KRT25: variants seen among roughly 807,000 people sequenced by gnomAD.
The protein encoded by KRT25 is keratin, type I cytoskeletal 25.
A neutral mutation model predicts 47.6 loss-of-function variants in KRT25; 37 were observed. That is an observed-to-expected ratio of 0.78 (90% CI 0.60 to 1.02). The LOEUF (loss-of-function observed/expected upper bound fraction) is 1.02, where lower values mean the gene tolerates loss of function less well. Among genes scored for constraint, KRT25 ranks in the 50% least tolerant of loss-of-function variants. The probability of loss-of-function intolerance (pLI) is 0.00; values close to 1 mark genes in which losing one functional copy is unlikely to be tolerated. For synonymous variants in KRT25, 203 were observed against 210.2 expected, an observed-to-expected ratio of 0.97 and a Z score of 0.30; for missense variants, 542 against 550.3, an observed-to-expected ratio of 0.98 and a Z score of 0.15.
upstream of KRT25, chr17:40,755,412 C>T (rs1314463399): frequency 5.4e-6 from 4 of 735,452 alleles, no homozygotes; most frequent in Non-Finnish European, 6.5e-6. Context: ...CAGAGTAAAA[C>T]ATGGCTTGCC....
At chr17:40,751,551 T>C (rs562769115) in intron 3 of KRT25, among the ~76,000 whole-genome samples, 2 of 152,358 alleles carry the variant, frequency 1.3e-5, no homozygotes, top group Admixed American at 1.3e-4. Context: ...AGAGTTTTAA[T>C]TGTTCCAGAG....
In KRT25 at chr17:40,748,222, T is replaced by TA. The variant is rs2038013760; in HGVS notation, c.*54dup. 6 of 1,155,622 alleles carry TA rather than the reference T, an allele frequency of 5.2e-6. No individual in the cohort carries two copies. Among genetic ancestry groups the TA allele is most frequent in the African/African-American group, 1.6e-5 (1 of 64,264 alleles). The allele number at this position is 1,155,622 out of a possible 1,614,324, so 71.6% of individuals were successfully genotyped here. On this transcript the variant is annotated 3_prime_UTR_variant, in exon 8 of 8. Transcript: ENST00000312150. ...ATGCACATTTTTCTGGACAGATACATAATGCCTTTTCTTCGCAGGGGCTAT... is the reference window on the plus strand; with the variant it reads ...ATGCACATTTTTCTGGACAGATACATAAATGCCTTTTCTTCGCAGGGGCTAT...
At chr17:40,751,458 C>T (rs2038047115) in intron 3 of KRT25, 132 bp from the exon 4 acceptor site, 2 of 915,584 alleles carry the variant, frequency 2.2e-6, no homozygotes, top group East Asian at 5.3e-5. Context: ...CCTCCCACCA[C>T]ATTTGATACT....
At chr17:40,751,383 A>C in intron 3 of KRT25, 57 bp from the exon 4 acceptor site, 1 of 1,530,004 alleles carries the variant, frequency 6.5e-7, no homozygotes, top group Middle Eastern at 1.8e-4. Context: ...AAAGTCTAGA[A>C]GCTTAGCTTT....
Position 40,754,390 on chromosome 17 carries a change from G to A in KRT25, c.508C>T (p.Leu170Phe), listed in dbSNP as rs376714865. 1.2e-6 allele frequency: 2 copies of A among 1,612,802 alleles called. No homozygotes were observed. Among genetic ancestry groups the A allele is most frequent in the African/African-American group, 2.7e-5 (2 of 74,882 alleles). ...NARLTADDFR[L>F]KYENELALHQ... ...TCACTCTGGCAGTCTACTTACTTGA[G>A]TCTGAAATCATCAGCTGTAAGCCTG... The change falls in exon 2 of 8, where the codon CTC (leucine) becomes TTC (phenylalanine). Residue 170 changes from leucine to phenylalanine, a missense_variant. Leu to Phe is a conservative substitution (Grantham distance 22). Coordinates refer to ENST00000312150, the MANE Select transcript of KRT25 (RefSeq NM_181534.4).
intron 3 of KRT25, among the ~76,000 whole-genome samples, 157 bp downstream of exon 3, chr17:40,753,682 TCAAAAAAAAAAAAAAAAAAAA>T (rs2038073901): frequency 2.2e-5 from 1 of 46,060 alleles, no homozygotes; most frequent in African/African-American, 9.7e-5. Flanking sequence ...AGACTCCGTC[TCAAAAAAAAAAAAAAAAAAAA>T]AAAAAAAAAA....
chr17:40,754,677 G>A (rs9900557), intron 1 of KRT25, among the ~76,000 whole-genome samples, 166 bp downstream of exon 1: 3 of 142,032 alleles, frequency 2.1e-5, no homozygotes, highest in Non-Finnish European at 4.5e-5. Flanking sequence ...AAGATCCCAC[G>A]GTTGCACTCC....
chr17:40,753,879 A>T lies in KRT25; in HGVS notation c.650T>A (p.Leu217His). ...YETLSEEMTY[L>H]KKNHKEEMQV... ...TCTTACCTCTTTATGGTTCTTTTTG[A>T]GGTAAGTCATCTCCTCACTCAGGGT... Residue 217 changes from leucine (L) to histidine (H), a missense_variant, in exon 3 of 8, where the codon CTC becomes CAC. Transcript: ENST00000312150. 1 of 1,613,882 alleles carries T rather than the reference A, an allele frequency of 6.2e-7. No homozygotes were observed. The highest frequency in any genetic ancestry group is 8.5e-7 in the Non-Finnish European group (1 of 1,179,958).
chr17:40,750,134 C>T (rs977854321), intron 6 of KRT25, among the ~76,000 whole-genome samples: 4 of 152,178 alleles, frequency 2.6e-5, no homozygotes, highest in Non-Finnish European at 5.9e-5. Context: ...TTTAGCCTCC[C>T]GTTTGTTCTT....
chr17:40,751,522 T>G (rs898640400), intron 3 of KRT25, among the ~76,000 whole-genome samples, 196 bp from the exon 4 acceptor site: 4 of 152,228 alleles, frequency 2.6e-5, no homozygotes, highest in Non-Finnish European at 5.9e-5. Flanking sequence ...CCTTATGAAG[T>G]AGCCTGTTTC....
In KRT25 at chr17:40,753,779, A is replaced by G. The variant is rs2038076783; in HGVS notation, c.669+81T>C. 8.1e-6 allele frequency: 8 copies of G among 993,400 alleles called. No individual in the cohort carries two copies. In the South Asian group the frequency reaches 8.3e-5, roughly 10 times the overall value. 61.5% of individuals were successfully genotyped at this position (993,400 alleles called of 1,614,324 possible). A position where few individuals can be genotyped will look rare whatever the true frequency, so the allele number is the denominator to read the frequency against. On this transcript the variant is annotated intron_variant, in intron 3 of 7. Transcript: ENST00000312150. ...TGTGTCTTCAGCACCAACTTTTTAT[A>G]TGAGAGGTTATGTACATTATCTCCT...
Position 40,751,095 on chromosome 17 carries a change from TGAA to T in KRT25, c.832-19_832-17del, listed in dbSNP as rs762559984. 1 of 1,614,088 alleles carries T rather than the reference TGAA, an allele frequency of 6.2e-7. No homozygotes were observed. The highest frequency in any genetic ancestry group is 8.5e-7 in the Non-Finnish European group (1 of 1,180,004). On this transcript the variant is annotated splice_polypyrimidine_tract_variant and intron_variant, in intron 4 of 7. Transcript: ENST00000312150. ...GGGAGGCGCTCTGAAATGACATAAG[TGAA>T]GGAGCAAATCTTAGTTTTGTGAATA... is the stretch of plus-strand genomic sequence containing the variant.
intron 6 of KRT25, 24 bp from the exon 7 acceptor site, chr17:40,749,349 G>A (rs1171286934): frequency 6.4e-7 from 1 of 1,555,012 alleles, no homozygotes; most frequent in Non-Finnish European, 8.9e-7. Context: ...GCAAAAGAGG[G>A]TGATTTAGAG....
intron 3 of KRT25, among the ~76,000 whole-genome samples, chr17:40,753,635 G>A (rs2038072521): frequency 8.1e-6 from 1 of 123,776 alleles, no homozygotes; most frequent in East Asian, 2.7e-4. Flanking sequence ...AGTGAGCCAA[G>A]ATCGCACCAT....
At chr17:40,750,022 G>T (rs1011827251) in intron 6 of KRT25, among the ~76,000 whole-genome samples, 2 of 152,076 alleles carry the variant, frequency 1.3e-5, no homozygotes, top group African/African-American at 4.8e-5. Context: ...CAGACTTGTG[G>T]CCATGGGACT....
intron 6 of KRT25, among the ~76,000 whole-genome samples, chr17:40,749,628 C>G (rs764796545): frequency 2.0e-5 from 3 of 152,110 alleles, no homozygotes; most frequent in Non-Finnish European, 4.4e-5. Flanking sequence ...GAAATTCACC[C>G]TTTTAAGTTT....
intron 7 of KRT25, among the ~76,000 whole-genome samples, chr17:40,748,761 T>C (rs2144121577): frequency 6.6e-6 from 1 of 152,252 alleles, no homozygotes; most frequent in East Asian, 1.9e-4. Context: ...CACATGCATG[T>C]GAATGTTCAT....
chr17:40,751,432 G>T, intron 3 of KRT25, 106 bp from the exon 4 acceptor site: 1 of 1,265,376 alleles, frequency 7.9e-7, no homozygotes, highest in Non-Finnish European at 1.1e-6. Flanking sequence ...TCCCCTCCCA[G>T]GCTGTGCATT....
At position 40,748,313 on chromosome 17, in the gene KRT25, C is replaced by G. The variant is rs764991038; in HGVS notation, c.1317G>C (p.Arg439Ser). ...GAGATTTCTCTTCCAGGGAGTGGAG[C>G]CTGGTGGTAAGTATTTTGCTGCGTT... ...VDQRSKILTT[R>S]LHSLEEKSQS... is the part of the protein sequence containing the mutation. The change falls in exon 8 of 8, where the codon AGG becomes AGC. Residue 439 changes from arginine (R) to serine (S), a missense_variant. By Grantham distance (110) the Arg-to-Ser change is moderately radical. Transcript: ENST00000312150. 49 of 1,612,314 alleles carry G rather than the reference C, an allele frequency of 3.0e-5. No individual in the cohort carries two copies. The highest frequency in any genetic ancestry group is 6.7e-5 in the East Asian group (3 of 44,786).
Sources: allele counts gnomAD v4.1 joint callset (sites outside exome capture counted in the v4.1 genomes callset), GRCh38; gene constraint gnomAD v4.1.1; transcripts MANE v1.5; gene names NCBI Gene and HGNC (gene_info 2026-07-23, HGNC 2026-07-21).